ZNF407: variants seen among roughly 807,000 people sequenced by gnomAD.
ZNF407 encodes the protein zinc finger protein 407.
A neutral mutation model predicts 131.2 loss-of-function variants in ZNF407; 17 were observed. The ratio of observed to expected loss-of-function variants is 0.13; its 90% CI spans 0.09 to 0.19. ZNF407 has a LOEUF of 0.19. Ranked by LOEUF, ZNF407 falls within the 10% of genes least tolerant of loss-of-function variation. The probability of loss-of-function intolerance (pLI) is 1.00; values close to 1 mark genes in which losing one functional copy is unlikely to be tolerated. For missense variants in ZNF407, 2,681 were observed against 2,830.6 expected (o/e 0.95, Z 1.20); for synonymous variants, 1,156 against 1,062.0 (o/e 1.09, Z -1.72).
At chr18:74,960,904 T>G (rs1362161457) in intron 8 of ZNF407, among the ~76,000 whole-genome samples, 1 of 148,864 alleles carries the variant, frequency 6.7e-6, no homozygotes, top group Non-Finnish European at 1.5e-5. Flanking sequence ...AGGTCCTGAG[T>G]GTGGACTGGG....
At chr18:75,015,705 C>T (rs1257073781) in intron 8 of ZNF407, among the ~76,000 whole-genome samples, 3 of 151,528 alleles carry the variant, frequency 2.0e-5, no homozygotes, top group Non-Finnish European at 2.9e-5. Context: ...TATAACGGCA[C>T]AGAATATTTC....
In ZNF407 at chr18:74,754,548, G is replaced by A. The variant is rs558340466; in HGVS notation, c.4803-26880G>A. On this transcript the variant is annotated intron_variant, in intron 3 of 8. Coordinates refer to ENST00000299687, the MANE Select transcript of ZNF407 (RefSeq NM_017757.3). The stretch of plus-strand genomic sequence containing the variant: ...TGTCCCAGAGATTCTGGTACATTGT[G>A]TCTTTGTTCTCATTGGTTTCAAAGA... Among the ~76,000 whole-genome samples the A allele has an allele frequency of 1.7e-4, 26 of 152,248 alleles. No homozygotes were observed. In the East Asian group the frequency reaches 4.8e-3, roughly 28 times the overall value.
At chr18:75,031,807 T>C (rs922851214) in intron 8 of ZNF407, among the ~76,000 whole-genome samples, 4 of 152,202 alleles carry the variant, frequency 2.6e-5, no homozygotes, top group African/African-American at 9.7e-5. Flanking sequence ...TGTGGGCAAT[T>C]ACAGGATTTC....
chr18:74,622,975 T>G (rs1983598758), intron 1 of ZNF407, among the ~76,000 whole-genome samples: 1 of 151,910 alleles, frequency 6.6e-6, no homozygotes, highest in African/African-American at 2.4e-5. Flanking sequence ...AGTGCGTGTG[T>G]CAGTGTGAAT....
At chr18:74,885,528 C>T (rs1971297064) in intron 6 of ZNF407, among the ~76,000 whole-genome samples, 3 of 152,092 alleles carry the variant, frequency 2.0e-5, no homozygotes, top group African/African-American at 4.8e-5. Context: ...AAATAAGTCA[C>T]CAACATTGAG....
intron 3 of ZNF407, among the ~76,000 whole-genome samples, chr18:74,774,299 CAGAATAATCG>C (rs1161869594): frequency 6.6e-6 from 1 of 152,072 alleles, no homozygotes; most frequent in African/African-American, 2.4e-5. Flanking sequence ...TTGTAGCCTT[CAGAATAATCG>C]AGTTAGGCAA....
At chr18:74,844,652 A>T (rs2145136053) in intron 4 of ZNF407, among the ~76,000 whole-genome samples, 1 of 152,254 alleles carries the variant, frequency 6.6e-6, no homozygotes, top group South Asian at 2.1e-4. Flanking sequence ...GTTTTTCAAA[A>T]TTTTTAAATT....
chr18:74,862,544 G>A (rs1050982661), intron 4 of ZNF407, among the ~76,000 whole-genome samples: 6 of 152,072 alleles, frequency 3.9e-5, no homozygotes, highest in Admixed American at 6.6e-5. Flanking sequence ...TTTGTTTGCC[G>A]AAGTACCAAG....
intron 3 of ZNF407, among the ~76,000 whole-genome samples, chr18:74,691,017 G>A (rs761323466): frequency 1.3e-5 from 2 of 152,196 alleles, no homozygotes; most frequent in East Asian, 1.9e-4. Flanking sequence ...AGTGGCTCAC[G>A]CCTGTAATCC....
At chr18:74,768,206 G>T (rs897936034) in intron 3 of ZNF407, among the ~76,000 whole-genome samples, 1 of 152,038 alleles carries the variant, frequency 6.6e-6, no homozygotes, top group Non-Finnish European at 1.5e-5. Context: ...GGCACATCTC[G>T]CCTGCAAGCT....
chr18:74,668,465 C>A (rs1406745894), intron 3 of ZNF407, among the ~76,000 whole-genome samples: 3 of 152,182 alleles, frequency 2.0e-5, no homozygotes, highest in Non-Finnish European at 4.4e-5. Context: ...ATCACAGTTA[C>A]GTCTCCACAG....
chr18:74,973,409 C>G (rs1291515310), intron 8 of ZNF407, among the ~76,000 whole-genome samples: 4 of 152,144 alleles, frequency 2.6e-5, no homozygotes, highest in Non-Finnish European at 5.9e-5. Flanking sequence ...TTGAAGTAAC[C>G]AGTAACAGGT....
intron 8 of ZNF407, among the ~76,000 whole-genome samples, chr18:74,995,459 A>T (rs1176260036): frequency 6.6e-6 from 1 of 152,200 alleles, no homozygotes; most frequent in Non-Finnish European, 1.5e-5. Flanking sequence ...TAAAAAAAGC[A>T]TTAGGCTATC....
chr18:74,962,367 A>G (rs914255970), intron 8 of ZNF407, among the ~76,000 whole-genome samples: 4 of 152,248 alleles, frequency 2.6e-5, no homozygotes, highest in Non-Finnish European at 4.4e-5. Flanking sequence ...GTCATTTGGC[A>G]TACTCTCTCA....
intron 4 of ZNF407, among the ~76,000 whole-genome samples, chr18:74,812,232 G>C (rs1970207359): frequency 6.6e-6 from 1 of 152,108 alleles, no homozygotes; most frequent in Non-Finnish European, 1.5e-5. Context: ...CAGTAGCTTA[G>C]AATTTTTGTG....
At chr18:74,941,078 GTCC>G (rs58414883) in intron 8 of ZNF407, among the ~76,000 whole-genome samples, 33,847 of 151,914 alleles carry the variant, frequency 0.22, 4,930 homozygotes, top group African/African-American at 0.4. Context: ...AACCGGGCCC[GTCC>G]TTGCCTTGCC....
chr18:74,879,465 G>C (rs1465700051), intron 5 of ZNF407, among the ~76,000 whole-genome samples: 1 of 152,026 alleles, frequency 6.6e-6, no homozygotes, highest in South Asian at 2.1e-4. Flanking sequence ...AGAAAACTGT[G>C]TTAATATTAA....
chr18:74,973,590 G>A (rs904389045), intron 8 of ZNF407, among the ~76,000 whole-genome samples: 10 of 152,142 alleles, frequency 6.6e-5, no homozygotes, highest in African/African-American at 2.4e-4. Context: ...TATTATAAAA[G>A]TCATCATCAT....
chr18:74,646,933 G>T (rs917830446), intron 3 of ZNF407, among the ~76,000 whole-genome samples: 1 of 152,092 alleles, frequency 6.6e-6, no homozygotes, highest in Non-Finnish European at 1.5e-5. Flanking sequence ...TGCCACAGAA[G>T]GGTGGGGTCG....
Sources: gnomAD v4.1 joint callset for allele counts (sites outside exome capture counted in the v4.1 genomes callset) on GRCh38, gnomAD v4.1.1 for gene constraint, MANE v1.5 for transcripts, NCBI Gene and HGNC (gene_info 2026-07-23, HGNC 2026-07-21) for gene names.